RFTN2: variants seen among roughly 807,000 people sequenced by gnomAD.
The protein encoded by RFTN2 is raftlin family member 2, also known as raftlin-2.
Under a neutral mutation model 52.7 loss-of-function variants are expected in RFTN2, and 34 were observed. The ratio of observed to expected loss-of-function variants is 0.64; its 90% CI spans 0.49 to 0.86. RFTN2 has a LOEUF of 0.86. Ranked by LOEUF, RFTN2 falls within the 40% of genes least tolerant of loss-of-function variation. The pLI is 0.00. For synonymous variants in RFTN2, 203 were observed against 217.7 expected, an observed-to-expected ratio of 0.93 and a Z score of 0.59; for missense variants, 536 against 600.1, an observed-to-expected ratio of 0.89 and a Z score of 1.12.
intron 8 of RFTN2, among the ~76,000 whole-genome samples, chr2:197,582,269 C>T (rs1391466492): frequency 6.6e-6 from 1 of 152,240 alleles, no homozygotes; most frequent in Non-Finnish European, 1.5e-5. Flanking sequence ...TCCGCAGCTC[C>T]TTCAGCTATA....
At chr2:197,625,380 G>C (rs754632744) in intron 5 of RFTN2, among the ~76,000 whole-genome samples, 2 of 152,110 alleles carry the variant, frequency 1.3e-5, no homozygotes, top group Non-Finnish European at 2.9e-5. Context: ...ATATGATATT[G>C]ACATTCCTGT....
At chr2:197,575,193 C>A (rs1202361558) in intron 8 of RFTN2, among the ~76,000 whole-genome samples, 1 of 152,186 alleles carries the variant, frequency 6.6e-6, no homozygotes, top group East Asian at 1.9e-4. Flanking sequence ...TGCCTGCCGC[C>A]ATGTAAGACA....
At chr2:197,578,989 A>G (rs2087462928) in intron 8 of RFTN2, among the ~76,000 whole-genome samples, 3 of 151,902 alleles carry the variant, frequency 2.0e-5, no homozygotes, top group African/African-American at 7.3e-5. Context: ...TCTCCTTTCA[A>G]TCTTGGTGCC....
chr2:197,619,925 TAGCAAAAACAAG>T (rs1395672051), intron 5 of RFTN2, among the ~76,000 whole-genome samples: 1 of 148,152 alleles, frequency 6.7e-6, no homozygotes. Context: ...AAAACTACAA[TAGCAAAAACAAG>T]GTAAAATAGT....
intron 1 of RFTN2, among the ~76,000 whole-genome samples, chr2:197,661,596 C>T (rs1248057197): frequency 6.6e-6 from 1 of 152,142 alleles, no homozygotes; most frequent in African/African-American, 2.4e-5. Context: ...CTATGATAAA[C>T]AGGTGAGTGC....
chr2:197,617,570 C>A (rs1475207498), intron 6 of RFTN2, among the ~76,000 whole-genome samples: 2 of 151,860 alleles, frequency 1.3e-5, no homozygotes, highest in Non-Finnish European at 1.5e-5. Flanking sequence ...GTCCCAGCTA[C>A]CTGGGAGGCT....
chr2:197,591,473 A>T (rs1196138126), intron 8 of RFTN2, among the ~76,000 whole-genome samples: 1 of 152,206 alleles, frequency 6.6e-6, no homozygotes, highest in Non-Finnish European at 1.5e-5. Flanking sequence ...CACCAGACTC[A>T]GGAGCTCAGC....
intron 3 of RFTN2, among the ~76,000 whole-genome samples, chr2:197,637,680 A>C (rs1473121897): frequency 1.3e-5 from 2 of 151,714 alleles, no homozygotes; most frequent in East Asian, 3.9e-4. Flanking sequence ...TGATCCTTTC[A>C]AAAAACCAGC....
At chr2:197,598,372 G>A (rs773978152) in intron 7 of RFTN2, among the ~76,000 whole-genome samples, 10 of 152,242 alleles carry the variant, frequency 6.6e-5, no homozygotes, top group Non-Finnish European at 1.2e-4. Flanking sequence ...GACAGGGTAC[G>A]TGGGAATGCA....
intron 3 of RFTN2, among the ~76,000 whole-genome samples, chr2:197,639,457 C>G (rs2088623913): frequency 6.7e-6 from 1 of 148,766 alleles, no homozygotes; most frequent in Admixed American, 6.7e-5. Context: ...TCTTTTTTCT[C>G]TAAACTTCCC....
chr2:197,675,211 A>G, intron 1 of RFTN2, 109 bp downstream of exon 1: 1 of 812,136 alleles, frequency 1.2e-6, no homozygotes, highest in Non-Finnish European at 1.8e-6. Flanking sequence ...GTTTGAATAT[A>G]CAATCTCATT....
At chr2:197,631,323 C>A in intron 4 of RFTN2, 103 bp from the exon 5 acceptor site, 1 of 827,720 alleles carries the variant, frequency 1.2e-6, no homozygotes, top group East Asian at 2.4e-5. Flanking sequence ...TACAAACAAG[C>A]ACTCAGCTTA....
chr2:197,646,926 A>G (rs1016848024), intron 1 of RFTN2, among the ~76,000 whole-genome samples: 5 of 150,556 alleles, frequency 3.3e-5, no homozygotes, highest in Admixed American at 1.3e-4. Context: ...AAAAACTCCA[A>G]TGGCTTAATC....
intron 3 of RFTN2, among the ~76,000 whole-genome samples, chr2:197,638,723 C>T (rs1444286402): frequency 7.1e-6 from 1 of 141,084 alleles, no homozygotes; most frequent in Non-Finnish European, 1.5e-5. Context: ...TTAATTGGAG[C>T]ATTTAGTCCA....
At chr2:197,615,141 A>G (rs935615901) in intron 7 of RFTN2, among the ~76,000 whole-genome samples, 1 of 152,234 alleles carries the variant, frequency 6.6e-6, no homozygotes, top group Non-Finnish European at 1.5e-5. Flanking sequence ...AAGGTGAGTG[A>G]AGTGGGTTAG....
chr2:197,590,576 G>C (rs2087689344), intron 8 of RFTN2, among the ~76,000 whole-genome samples: 1 of 152,170 alleles, frequency 6.6e-6, no homozygotes, highest in Admixed American at 6.5e-5. Flanking sequence ...TGATCTCACT[G>C]ACCTCAAGAG....
At chr2:197,665,004 A>G (rs1432684544) in intron 1 of RFTN2, among the ~76,000 whole-genome samples, 1 of 152,182 alleles carries the variant, frequency 6.6e-6, no homozygotes, top group East Asian at 1.9e-4. Flanking sequence ...ACTACTAGAG[A>G]GAGGGAGTGG....
intron 7 of RFTN2, among the ~76,000 whole-genome samples, chr2:197,606,061 T>A (rs1481246199): frequency 6.6e-6 from 1 of 152,180 alleles, no homozygotes; most frequent in Non-Finnish European, 1.5e-5. Context: ...ACCAAAGATA[T>A]GCTGTATATC....
At position 197,612,603 on chromosome 2, in the gene RFTN2, A is replaced by G. The variant is rs991567458; in HGVS notation, c.1154+3273T>C. On this transcript the variant is annotated intron_variant, in intron 7 of 8. Coordinates refer to ENST00000295049, the MANE Select transcript of RFTN2 (RefSeq NM_144629.3). Reference sequence around the variant, plus strand: ...GATTGAGCCCATTGGTATTATTAATAGTGATAACAATTAAGAAGGGATTCT... The same window carrying G: ...GATTGAGCCCATTGGTATTATTAATGGTGATAACAATTAAGAAGGGATTCT... Among the ~76,000 whole-genome samples the G allele has an allele frequency of 3.9e-5, 6 of 152,244 alleles. No homozygotes were observed. In the South Asian group the frequency reaches 6.2e-4, roughly 16 times the overall value.
Sources: gnomAD v4.1 joint callset for allele counts (sites outside exome capture counted in the v4.1 genomes callset) on GRCh38, gnomAD v4.1.1 for gene constraint, MANE v1.5 for transcripts, NCBI Gene and HGNC (gene_info 2026-07-23, HGNC 2026-07-21) for gene names.